The following ARHGEF9 variants were observed in gnomAD, a reference collection of about 807,000 sequenced individuals.
The protein encoded by ARHGEF9 is rho guanine nucleotide exchange factor 9.
In ARHGEF9, 2 loss-of-function variants were observed where a neutral mutation model predicts 41.3. The ratio of observed to expected loss-of-function variants is 0.05; its 90% CI spans 0.02 to 0.15. ARHGEF9 has a LOEUF of 0.15. Among genes scored for constraint, ARHGEF9 ranks in the 10% least tolerant of loss-of-function variants. The probability of loss-of-function intolerance (pLI) is 1.00; values close to 1 mark genes in which losing one functional copy is unlikely to be tolerated. For synonymous variants in ARHGEF9, 160 were observed against 154.4 expected, an observed-to-expected ratio of 1.04 and a Z score of -0.27; for missense variants, 225 against 424.7, an observed-to-expected ratio of 0.53 and a Z score of 4.13.
At chrX:63,736,349 G>C (rs1556422925) in intron 1 of ARHGEF9, among the ~76,000 whole-genome samples, 1 of 110,634 alleles carries the variant, frequency 9.0e-6, no homozygotes, top group Non-Finnish European at 1.9e-5. Context: ...AAGTGGTGGG[G>C]GTAGAGAAGG....
At chrX:63,650,965 A>C (rs2048508283) in intron 8 of ARHGEF9, among the ~76,000 whole-genome samples, 1 of 111,005 alleles carries the variant, frequency 9.0e-6, no homozygotes, top group Non-Finnish European at 1.9e-5. Context: ...AGAGGAAATG[A>C]ACAATTTCCC....
intron 5 of ARHGEF9, among the ~76,000 whole-genome samples, chrX:63,675,634 A>G (rs1225723645): frequency 1.8e-5 from 2 of 112,385 alleles, no homozygotes; most frequent in Non-Finnish European, 3.8e-5. Context: ...CAGTACTATT[A>G]TTACAAATCA....
Position 63,661,030 on chromosome X carries a change from C to T in ARHGEF9, c.1077+4856G>A, listed in dbSNP as rs186004921. Among the ~76,000 whole-genome samples, 2 of 111,977 alleles carry T rather than the reference C, an allele frequency of 1.8e-5. 1 individual carries two copies. The highest frequency in any genetic ancestry group is 3.8e-5 in the Non-Finnish European group (2 of 53,201). On this transcript the variant is annotated intron_variant, in intron 7 of 9. Transcript: ENST00000671741. Reference sequence around the variant, plus strand: ...CTTCTATCATCAGCCTGATTTGACACTGAGGAAAATAAGGACAAAGTTAAA... The same window carrying T: ...CTTCTATCATCAGCCTGATTTGACATTGAGGAAAATAAGGACAAAGTTAAA...
intron 7 of ARHGEF9, among the ~76,000 whole-genome samples, chrX:63,658,891 G>T (rs1222985499): frequency 2.7e-5 from 3 of 111,619 alleles, no homozygotes; most frequent in African/African-American, 9.8e-5. Flanking sequence ...TATATATTTG[G>T]GGTCACACTA....
At chrX:63,708,702 G>A (rs1343730909) in intron 2 of ARHGEF9, among the ~76,000 whole-genome samples, 1 of 111,825 alleles carries the variant, frequency 8.9e-6, no homozygotes, top group Non-Finnish European at 1.9e-5. Flanking sequence ...TTAAGATGCT[G>A]CTTTCATCCC....
intron 1 of ARHGEF9, among the ~76,000 whole-genome samples, chrX:63,733,148 CCACTT>C (rs2054414723): frequency 8.9e-6 from 1 of 112,451 alleles, no homozygotes; most frequent in African/African-American, 3.2e-5. Flanking sequence ...TGTGTATACT[CCACTT>C]AAAGTTCTGA....
chrX:63,780,833 G>C (rs1217372347), intron 1 of ARHGEF9, among the ~76,000 whole-genome samples: 4 of 111,812 alleles, frequency 3.6e-5, no homozygotes, highest in African/African-American at 9.8e-5. Flanking sequence ...TGTTCGTTCA[G>C]CTCATTTCAG....
chrX:63,754,895 C>A, intron 1 of ARHGEF9: 1 of 939,728 alleles, frequency 1.1e-6, no homozygotes, highest in East Asian at 4.1e-5. Flanking sequence ...AAAATCCTAG[C>A]TTTCAAAGGG....
intron 4 of ARHGEF9, among the ~76,000 whole-genome samples, chrX:63,688,926 C>T (rs1189045707): frequency 8.9e-6 from 1 of 111,887 alleles, no homozygotes; most frequent in Non-Finnish European, 1.9e-5. Context: ...AAGTTGTCAT[C>T]AGTTTATAAT....
chrX:63,678,525 A>G lies in ARHGEF9; in HGVS notation c.630T>C (p.Asp210=). 8.3e-7 allele frequency: 1 copy of G among 1,205,855 alleles called. No individual in the cohort carries two copies. Among genetic ancestry groups the G allele is most frequent in the Non-Finnish European group, 1.1e-6 (1 of 892,194 alleles). Residue 210 remains aspartate (D), a synonymous_variant, in exon 5 of 10, where the codon GAT becomes GAC. Transcript: ENST00000671741. The part of the protein sequence containing the change: ...IYSEYCNNHL[D]ACMELSKLMK... ...TCAGTTTGGAGAGCTCCATGCAAGC[A>G]TCCAGGTGGTTGTTACAATACTCAG... is the stretch of plus-strand genomic sequence containing the variant.
chrX:63,661,808 A>C (rs1330396955), intron 7 of ARHGEF9, among the ~76,000 whole-genome samples: 6 of 110,355 alleles, frequency 5.4e-5, no homozygotes, highest in Non-Finnish European at 1.1e-4. Flanking sequence ...AAGCTGCATA[A>C]GTTGTTTAAG....
intron 3 of ARHGEF9, among the ~76,000 whole-genome samples, chrX:63,698,129 T>A (rs782453262): frequency 9.4e-6 from 1 of 105,861 alleles, no homozygotes; most frequent in South Asian, 4.0e-4. Context: ...ATATATAAAT[T>A]TATAAATATA....
chrX:63,754,360 G>A (rs782675570), intron 1 of ARHGEF9: 4 of 1,206,250 alleles, frequency 3.3e-6, no homozygotes, highest in Non-Finnish European at 4.5e-6. Flanking sequence ...TTTCCCCCCT[G>A]AGTAAGAAAG....
chrX:63,643,203 G>A (rs1352550654), intron 9 of ARHGEF9, among the ~76,000 whole-genome samples: 1 of 111,621 alleles, frequency 9.0e-6, no homozygotes, highest in East Asian at 2.8e-4. Flanking sequence ...TGATTTGCAA[G>A]GTATTTTTTC....
intron 1 of ARHGEF9, among the ~76,000 whole-genome samples, chrX:63,753,672 C>T (rs1377143994): frequency 9.0e-6 from 1 of 110,700 alleles, no homozygotes; most frequent in East Asian, 2.8e-4. Flanking sequence ...TCAGAGAATG[C>T]TTTCACATAC....
chrX:63,764,438 A>G (rs1759839349), intron 1 of ARHGEF9, among the ~76,000 whole-genome samples: 1 of 112,666 alleles, frequency 8.9e-6, no homozygotes, highest in Admixed American at 9.4e-5. Context: ...AGAAGCAGAA[A>G]TACCACTTAA....
rs782021532 is a variant in ARHGEF9 at position 63,668,427 on chromosome X, G to A, written c.946-2410C>T. On this transcript the variant is annotated intron_variant, in intron 6 of 9. Transcript: ENST00000671741. ...TGCTGGAATTACAGATGTTAGCCACGGTGCCCAGCATCAATTATATTTTAA... is the reference window on the plus strand; with the variant it reads ...TGCTGGAATTACAGATGTTAGCCACAGTGCCCAGCATCAATTATATTTTAA... Among the ~76,000 whole-genome samples, 38 of 111,112 alleles carry A rather than the reference G, an allele frequency of 3.4e-4. 1 individual carries two copies. The highest frequency in any genetic ancestry group is 5.1e-4 in the Non-Finnish European group (27 of 53,002).
At chrX:63,733,054 G>A (rs1556421014) in intron 1 of ARHGEF9, among the ~76,000 whole-genome samples, 2 of 111,902 alleles carry the variant, frequency 1.8e-5, no homozygotes. Context: ...TCAAGTTGCT[G>A]ACCAGAGTGT....
intron 2 of ARHGEF9, among the ~76,000 whole-genome samples, chrX:63,713,860 T>C (rs1294725226): frequency 2.7e-5 from 3 of 110,813 alleles, no homozygotes; most frequent in Non-Finnish European, 5.7e-5. Flanking sequence ...GTATGTACAG[T>C]CAGACACAGA....
Sources: allele counts gnomAD v4.1 joint callset (sites outside exome capture counted in the v4.1 genomes callset), GRCh38; gene constraint gnomAD v4.1.1; transcripts MANE v1.5; gene names NCBI Gene and HGNC (gene_info 2026-07-23, HGNC 2026-07-21).